Variants in FBP1 observed in about 807,000 individuals in gnomAD.
The protein encoded by FBP1 is fructose-1,6-bisphosphatase 1.
In FBP1, 22 loss-of-function variants were observed where a neutral mutation model predicts 29.9. That is an observed-to-expected ratio of 0.74 (90% CI 0.53 to 1.05). The LOEUF is 1.05. Among genes scored for constraint, FBP1 ranks in the 50% least tolerant of loss-of-function variants. FBP1 has a pLI of 0.00. For missense variants in FBP1, 345 were observed against 448.2 expected (o/e 0.77, Z 2.08); for synonymous variants, 175 against 178.6 (o/e 0.98, Z 0.16).
intron 3 of FBP1, among the ~76,000 whole-genome samples, chr9:94,613,365 A>C (rs1827813206): frequency 6.6e-6 from 1 of 152,236 alleles, no homozygotes; most frequent in Non-Finnish European, 1.5e-5. Context: ...TATGCTCTAA[A>C]CAGCCAAGTG....
Position 94,639,497 on chromosome 9 carries a change from G to T in FBP1, c.-187C>A, listed in dbSNP as rs1828252926. ...GACTGCCGCCCCGAGTGTCCGCAGC[G>T]CTCGTGGTGCAACTGGGCCAGGCCA... On this transcript the variant is annotated 5_prime_UTR_variant, in exon 1 of 7. Coordinates refer to ENST00000375326, the MANE Select transcript of FBP1 (RefSeq NM_000507.4). 2 of 692,258 alleles carry T rather than the reference G, an allele frequency of 2.9e-6. No homozygotes were observed. The highest frequency in any genetic ancestry group is 1.8e-5 in the African/African-American group (1 of 56,588). The allele number at this position is 692,258 out of a possible 1,614,324, so 42.9% of individuals were successfully genotyped here.
At chr9:94,635,582 G>T (rs1471794946) in intron 1 of FBP1, among the ~76,000 whole-genome samples, 1 of 152,186 alleles carries the variant, frequency 6.6e-6, no homozygotes, top group African/African-American at 2.4e-5. Context: ...GGATTTCAAT[G>T]CCTGGAATGA....
chr9:94,606,867 C>T lies in FBP1; in HGVS notation c.653G>A (p.Arg218Lys), dbSNP rs1769259. The T allele has an allele frequency of 0.94, 1,517,590 of 1,613,876 alleles. 713,898 individuals are homozygous for T. The highest frequency in any genetic ancestry group is 1 in the East Asian group (44,858 of 44,872). ...CTCAGTGACGGCAGGGTCAAAGTCCCTGGCGTAGCCCTCGTTAAGGCTGTA... is the reference window on the plus strand; with the variant it reads ...CTCAGTGACGGCAGGGTCAAAGTCCTTGGCGTAGCCCTCGTTAAGGCTGTA... Reference protein sequence around the residue: ...KIYSLNEGYARDFDPAVTEYI... With the variant: ...KIYSLNEGYAKDFDPAVTEYI... Residue 218 changes from arginine to lysine, a missense_variant, in exon 5 of 7, where the codon AGG (arginine) becomes AAG (lysine). By Grantham distance (26) the Arg-to-Lys change is conservative. Transcript: ENST00000375326.
At chr9:94,611,714 C>T (rs894815826) in intron 3 of FBP1, among the ~76,000 whole-genome samples, 1 of 152,174 alleles carries the variant, frequency 6.6e-6, no homozygotes, top group South Asian at 2.1e-4. Context: ...TATCATTCCA[C>T]TGCACATGCC....
rs28369697 is a variant in FBP1 at position 94,620,556 on chromosome 9, A to G, written c.171-65T>C. On this transcript the variant is annotated intron_variant, in intron 1 of 6. Transcript: ENST00000375326. ...CCAGAACATGTAGATGAGTCCATAAACCCACCAAAAGTGAGTGTTCGGTAA... is the reference window on the plus strand; with the variant it reads ...CCAGAACATGTAGATGAGTCCATAAGCCCACCAAAAGTGAGTGTTCGGTAA... 5.3e-3 allele frequency: 7,984 copies of G among 1,510,056 alleles called. 23 individuals are homozygous for G. Among genetic ancestry groups the G allele is most frequent in the Non-Finnish European group, 6.5e-3 (7,166 of 1,095,240 alleles). 93.5% of individuals were successfully genotyped at this position (1,510,056 alleles called of 1,614,324 possible).
Position 94,627,331 on chromosome 9 carries a change from G to A in FBP1, c.171-6840C>T, listed in dbSNP as rs755527175. On this transcript the variant is annotated intron_variant, in intron 1 of 6. Transcript: ENST00000375326. ...GATCACACCACTGCACTCCAGCCTG[G>A]GCAAAAAAGAGTGAAATTCCACCTC... Among the ~76,000 whole-genome samples, 4 of 152,098 alleles carry A rather than the reference G, an allele frequency of 2.6e-5. No individual in the cohort carries two copies. In the South Asian group the frequency reaches 8.3e-4, roughly 32 times the overall value.
At chr9:94,621,095 T>C (rs1381350314) in intron 1 of FBP1, among the ~76,000 whole-genome samples, 2 of 150,542 alleles carry the variant, frequency 1.3e-5, no homozygotes, top group Non-Finnish European at 2.9e-5. Flanking sequence ...GTGCCTGTAG[T>C]CCCAGCTACT....
chr9:94,631,196 T>C (rs1478558391), intron 1 of FBP1, among the ~76,000 whole-genome samples: 1 of 152,206 alleles, frequency 6.6e-6, no homozygotes, highest in African/African-American at 2.4e-5. Flanking sequence ...CTCTGTGTCC[T>C]TTCCCTTTCC....
At chr9:94,629,135 C>T (rs189023592) in intron 1 of FBP1, among the ~76,000 whole-genome samples, 3 of 152,288 alleles carry the variant, frequency 2.0e-5, no homozygotes, top group Non-Finnish European at 4.4e-5. Flanking sequence ...GCACCTGCCA[C>T]CACACCTGGC....
intron 1 of FBP1, among the ~76,000 whole-genome samples, chr9:94,632,086 C>CG (rs1828111542): frequency 6.6e-6 from 1 of 152,114 alleles, no homozygotes; most frequent in African/African-American, 2.4e-5. Flanking sequence ...CCAAAAACTG[C>CG]AAATTGGAAG....
intron 1 of FBP1, among the ~76,000 whole-genome samples, chr9:94,634,559 G>A (rs1828162762): frequency 6.6e-6 from 1 of 152,176 alleles, no homozygotes; most frequent in Admixed American, 6.5e-5. Flanking sequence ...TCTCCCAAAG[G>A]AATGCAAAGT....
At chr9:94,605,918 C>T (rs1428208383) in intron 5 of FBP1, among the ~76,000 whole-genome samples, 4 of 152,034 alleles carry the variant, frequency 2.6e-5, no homozygotes, top group African/African-American at 7.2e-5. Context: ...GCTAAGGAAC[C>T]GGGCAGGGGT....
intron 1 of FBP1, among the ~76,000 whole-genome samples, chr9:94,627,103 G>A (rs1828036722): frequency 6.6e-6 from 1 of 151,578 alleles, no homozygotes; most frequent in South Asian, 2.1e-4. Flanking sequence ...CAGGAGAATC[G>A]CTTGAACCCG....
intron 6 of FBP1, chr9:94,603,922 T>C (rs1827652553): frequency 2.8e-6 from 1 of 360,032 alleles, no homozygotes; most frequent in African/African-American, 2.1e-5. Flanking sequence ...AGTGATTCTG[T>C]GTGTGTTGGA....
intron 1 of FBP1, among the ~76,000 whole-genome samples, chr9:94,633,835 G>T (rs1373406935): frequency 6.6e-6 from 1 of 151,724 alleles, no homozygotes; most frequent in Non-Finnish European, 1.5e-5. Context: ...CTCCCAAGTA[G>T]CTGGGATTAC....
intron 4 of FBP1, among the ~76,000 whole-genome samples, chr9:94,608,547 T>C (rs1489226491): frequency 6.6e-6 from 1 of 152,178 alleles, no homozygotes; most frequent in Non-Finnish European, 1.5e-5. Context: ...ACATCAGTGG[T>C]GCCCGAAATT....
At chr9:94,638,086 CA>C (rs11308338) in intron 1 of FBP1, among the ~76,000 whole-genome samples, 59,530 of 109,798 alleles carry the variant, frequency 0.54, 13,401 homozygotes, top group Middle Eastern at 0.61. Context: ...AATTCCATCT[CA>C]AAAAAAAAAA....
rs1398138498 is a variant in FBP1 at position 94,605,580 on chromosome 9, C to T, written c.706-4G>A. 6 of 1,613,648 alleles carry T rather than the reference C, an allele frequency of 3.7e-6. No individual in the cohort carries two copies. The highest frequency in any genetic ancestry group is 5.1e-6 in the Non-Finnish European group (6 of 1,179,862). On this transcript the variant is annotated splice_region_variant and splice_polypyrimidine_tract_variant and intron_variant, in intron 5 of 6. Transcript: ENST00000375326. ...CCCCATAAGGAGCTGAATTATCCTG[C>T]AAGTTAAGACCAGCAAGAATTAGGA...
chr9:94,639,372 G>C lies in FBP1; in HGVS notation c.-62C>G, dbSNP rs1828250494. On this transcript the variant is annotated 5_prime_UTR_variant, in exon 1 of 7. Transcript: ENST00000375326. The stretch of plus-strand genomic sequence containing the variant: ...GCGGCAGGTGCGGGGCTGCAGGTGC[G>C]GGCGGCAAGAGAGGGCAGTAGGCAC... The C allele has an allele frequency of 3.9e-6, 6 of 1,554,190 alleles. 1 individual carries two copies. In the East Asian group the frequency reaches 1.4e-4, roughly 37 times the overall value.
Sources: gnomAD v4.1 joint callset for allele counts (sites outside exome capture counted in the v4.1 genomes callset) on GRCh38, gnomAD v4.1.1 for gene constraint, MANE v1.5 for transcripts, NCBI Gene and HGNC (gene_info 2026-07-23, HGNC 2026-07-21) for gene names.